XPR1: variants seen among roughly 807,000 people sequenced by gnomAD.
XPR1 encodes solute carrier family 53 member 1.
A neutral mutation model predicts 87.5 loss-of-function variants in XPR1; 28 were observed. The observed-to-expected ratio is 0.32, with a 90% CI of 0.24 to 0.44. The LOEUF (loss-of-function observed/expected upper bound fraction) is 0.44, where lower values mean the gene tolerates loss of function less well. XPR1 is among the 20% of genes least tolerant of loss of function. The pLI is 1.00. For missense variants in XPR1, 559 were observed against 862.3 expected (o/e 0.65, Z 4.41); for synonymous variants, 300 against 306.1 (o/e 0.98, Z 0.21).
At chr1:180,783,640 G>C (rs1402108303) in intron 2 of XPR1, among the ~76,000 whole-genome samples, 3 of 151,750 alleles carry the variant, frequency 2.0e-5, no homozygotes, top group African/African-American at 7.3e-5. Flanking sequence ...AATGTTTCTT[G>C]ATTTTTTATA....
intron 11 of XPR1, among the ~76,000 whole-genome samples, chr1:180,853,667 A>ACACACACC (rs1283931843): frequency 7.5e-6 from 1 of 132,980 alleles, no homozygotes; most frequent in Non-Finnish European, 1.6e-5. Context: ...ACACACACAC[A>ACACACACC]CCCTACCTCT....
intron 9 of XPR1, among the ~76,000 whole-genome samples, chr1:180,826,557 A>T (rs1442473888): frequency 6.6e-6 from 1 of 152,210 alleles, no homozygotes; most frequent in African/African-American, 2.4e-5. Flanking sequence ...TCTAAAGGAA[A>T]AAACAAAGAA....
intron 2 of XPR1, among the ~76,000 whole-genome samples, chr1:180,720,629 C>T (rs1250184518): frequency 1.3e-5 from 2 of 152,080 alleles, no homozygotes; most frequent in African/African-American, 4.8e-5. Context: ...ACAGCATCAC[C>T]TGGGTACTTG....
chr1:180,690,776 A>G (rs1383529796), intron 2 of XPR1, among the ~76,000 whole-genome samples: 3 of 150,736 alleles, frequency 2.0e-5, no homozygotes, highest in East Asian at 3.9e-4. Context: ...TATATCTAGT[A>G]TCCGAAATAG....
At chr1:180,636,363 A>C (rs947798835) in intron 1 of XPR1, among the ~76,000 whole-genome samples, 8 of 152,246 alleles carry the variant, frequency 5.3e-5, no homozygotes, top group African/African-American at 1.9e-4. Flanking sequence ...TTAAGATAAC[A>C]CTTGTAAATG....
chr1:180,669,106 A>C (rs1656066274), intron 1 of XPR1, among the ~76,000 whole-genome samples: 1 of 151,998 alleles, frequency 6.6e-6, no homozygotes. Context: ...AAAAAAAAAA[A>C]AATCTATTGA....
At chr1:180,749,113 A>G (rs562092841) in intron 2 of XPR1, among the ~76,000 whole-genome samples, 1 of 152,322 alleles carries the variant, frequency 6.6e-6, no homozygotes, top group Admixed American at 6.5e-5. Flanking sequence ...AGGTGGGAGG[A>G]TTGTTTTGAG....
At chr1:180,711,291 G>A (rs1450132582) in intron 2 of XPR1, among the ~76,000 whole-genome samples, 4 of 152,304 alleles carry the variant, frequency 2.6e-5, no homozygotes, top group African/African-American at 7.2e-5. Context: ...GTAGCCAGCC[G>A]AGATCACGCC....
intron 2 of XPR1, among the ~76,000 whole-genome samples, chr1:180,743,198 T>G (rs1658975682): frequency 6.6e-6 from 1 of 150,504 alleles, no homozygotes; most frequent in Non-Finnish European, 1.5e-5. Flanking sequence ...TTCCATATGT[T>G]TTCTGTTCAT....
chr1:180,637,576 C>T (rs747575129), intron 1 of XPR1, among the ~76,000 whole-genome samples: 45 of 152,144 alleles, frequency 3.0e-4, no homozygotes, highest in Non-Finnish European at 4.9e-4. Flanking sequence ...TTTCCTGAGA[C>T]GGAGTCTTGC....
chr1:180,801,316 G>C (rs1053417324), intron 3 of XPR1, among the ~76,000 whole-genome samples: 3 of 152,304 alleles, frequency 2.0e-5, no homozygotes, highest in Admixed American at 2.0e-4. Context: ...TATTTTCTGG[G>C]CCCCCTCAGG....
chr1:180,729,911 G>T (rs1252467282), intron 2 of XPR1, among the ~76,000 whole-genome samples: 1 of 152,128 alleles, frequency 6.6e-6, no homozygotes, highest in Non-Finnish European at 1.5e-5. Context: ...CCATTTGGCA[G>T]TGTTTGATTT....
At chr1:180,761,763 A>C (rs946825113) in intron 2 of XPR1, among the ~76,000 whole-genome samples, 7 of 152,134 alleles carry the variant, frequency 4.6e-5, no homozygotes, top group African/African-American at 1.4e-4. Flanking sequence ...CAGCCATCCC[A>C]TTACTGGGTA....
chr1:180,761,087 C>T (rs1648005553), intron 2 of XPR1, among the ~76,000 whole-genome samples: 1 of 152,118 alleles, frequency 6.6e-6, no homozygotes, highest in South Asian at 2.1e-4. Flanking sequence ...AACTGGATCC[C>T]TTCCTTACAC....
At chr1:180,778,688 A>G (rs899726122) in intron 2 of XPR1, among the ~76,000 whole-genome samples, 4 of 151,984 alleles carry the variant, frequency 2.6e-5, no homozygotes, top group Non-Finnish European at 5.9e-5. Flanking sequence ...CTGAAAGACA[A>G]CCCACCTAAG....
intron 13 of XPR1, among the ~76,000 whole-genome samples, chr1:180,876,975 A>G (rs1571251707): frequency 1.3e-5 from 2 of 152,366 alleles, no homozygotes; most frequent in Admixed American, 1.3e-4. Context: ...AATTCAAAAT[A>G]GTTTACAAAT....
chr1:180,690,567 G>A (rs1429297981), intron 2 of XPR1, among the ~76,000 whole-genome samples: 1 of 151,564 alleles, frequency 6.6e-6, no homozygotes, highest in East Asian at 1.9e-4. Context: ...TTTTTCCTAG[G>A]CTCCTTTCTT....
intron 2 of XPR1, among the ~76,000 whole-genome samples, chr1:180,714,684 T>C (rs574471362): frequency 6.6e-5 from 10 of 152,026 alleles, no homozygotes; most frequent in South Asian, 4.1e-4. Flanking sequence ...AGATTACAGG[T>C]GCGAACCACC....
At chr1:180,649,628 A>C (rs1332869886) in intron 1 of XPR1, among the ~76,000 whole-genome samples, 1 of 152,196 alleles carries the variant, frequency 6.6e-6, no homozygotes, top group Admixed American at 6.5e-5. Context: ...TAGACTCTTT[A>C]AGTAAACATA....
Sources: allele counts gnomAD v4.1 joint callset (sites outside exome capture counted in the v4.1 genomes callset), GRCh38; gene constraint gnomAD v4.1.1; transcripts MANE v1.5; gene names NCBI Gene and HGNC (gene_info 2026-07-23, HGNC 2026-07-21).